ABLIM1: variants seen among roughly 807,000 people sequenced by gnomAD.
The protein encoded by ABLIM1 is actin binding LIM protein 1, also known as actin-binding LIM protein 1.
In ABLIM1, 40 loss-of-function variants were observed where a neutral mutation model predicts 107.0. That is an observed-to-expected ratio of 0.37 (90% CI 0.29 to 0.49). ABLIM1 has a LOEUF of 0.49. Ranked by LOEUF, ABLIM1 falls within the 20% of genes least tolerant of loss-of-function variation. The probability of loss-of-function intolerance (pLI) is 0.97; values close to 1 mark genes in which losing one functional copy is unlikely to be tolerated. For missense variants in ABLIM1, 857 were observed against 1,008.5 expected, an observed-to-expected ratio of 0.85 and a Z score of 2.04; for synonymous variants, 357 against 357.3, an observed-to-expected ratio of 1.00 and a Z score of 0.01.
intron 2 of ABLIM1, among the ~76,000 whole-genome samples, chr10:114,583,468 C>CACACATATATATATAT (rs1342722676): frequency 6.6e-5 from 1 of 15,112 alleles, no homozygotes; most frequent in Non-Finnish European, 1.2e-4. Flanking sequence ...CACACACACA[C>CACACATATATATATAT]ATATATATAT....
chr10:114,601,915 A>G lies in ABLIM1; in HGVS notation c.291T>C (p.Ile97=). Residue 97 remains isoleucine, a synonymous_variant, in exon 2 of 23, where the codon ATT becomes ATC. Transcript: ENST00000533213. ...AAGGCTCCCCACATTTATGGCAGTGAATGACAGGCTTCTCTGATGGGTGGT... is the reference window on the plus strand; with the variant it reads ...AAGGCTCCCCACATTTATGGCAGTGGATGACAGGCTTCTCTGATGGGTGGT... ...DPHHPSEKPV[I]HCHKCGEPCK... 1 of 1,614,170 alleles carries G rather than the reference A, an allele frequency of 6.2e-7. No individual in the cohort carries two copies. Among genetic ancestry groups the G allele is most frequent in the Non-Finnish European group, 8.5e-7 (1 of 1,180,028 alleles).
intron 6 of ABLIM1, among the ~76,000 whole-genome samples, chr10:114,525,501 G>A (rs2064551957): frequency 6.6e-6 from 1 of 152,186 alleles, no homozygotes; most frequent in Non-Finnish European, 1.5e-5. Flanking sequence ...GCTTGGCAAG[G>A]CCTCACGCTT....
chr10:114,479,730 C>T (rs1272825227), intron 8 of ABLIM1, among the ~76,000 whole-genome samples: 1 of 152,110 alleles, frequency 6.6e-6, no homozygotes, highest in Non-Finnish European at 1.5e-5. Flanking sequence ...AGAGGTCTCT[C>T]CCTTATGAAG....
At chr10:114,607,892 A>C (rs948082058) in intron 1 of ABLIM1, among the ~76,000 whole-genome samples, 3 of 152,226 alleles carry the variant, frequency 2.0e-5, no homozygotes, top group African/African-American at 7.2e-5. Context: ...AAAACTACGG[A>C]AATCTGAATA....
At chr10:114,750,965 A>G (rs981205343) in intron 1 of ABLIM1, among the ~76,000 whole-genome samples, 1 of 152,230 alleles carries the variant, frequency 6.6e-6, no homozygotes, top group Non-Finnish European at 1.5e-5. Context: ...TGAAGACTGA[A>G]GTGCTTAATG....
intron 7 of ABLIM1, among the ~76,000 whole-genome samples, chr10:114,491,012 G>GTGTGTGTGTGTGTGTATATATATATA: frequency 9.4e-4 from 87 of 92,366 alleles, no homozygotes; most frequent in African/African-American, 3.7e-3. Context: ...GTGTGTGTGT[G>GTGTGTGTGTGTGTGTATATATATATA]TATATATATA....
At chr10:114,547,515 C>G in intron 5 of ABLIM1, 135 bp downstream of exon 5, 1 of 1,202,076 alleles carries the variant, frequency 8.3e-7, no homozygotes, top group South Asian at 1.6e-5. Flanking sequence ...TTTATAGCAA[C>G]AAGTTCATTA....
upstream of ABLIM1, among the ~76,000 whole-genome samples, chr10:114,660,050 C>A (rs113869353): frequency 6.6e-6 from 1 of 152,164 alleles, no homozygotes. Context: ...AAGAAACAGA[C>A]GCTGTCTAGA....
intron 6 of ABLIM1, among the ~76,000 whole-genome samples, chr10:114,522,312 C>T (rs192095165): frequency 1.1e-3 from 171 of 152,312 alleles, no homozygotes; most frequent in Middle Eastern, 3.4e-3. Context: ...CACCCCACCC[C>T]CCACTTATTC....
At chr10:114,458,484 C>T (rs1174340256) in intron 12 of ABLIM1, among the ~76,000 whole-genome samples, 1 of 152,094 alleles carries the variant, frequency 6.6e-6, no homozygotes, top group Non-Finnish European at 1.5e-5. Flanking sequence ...CTGTGGGGAC[C>T]TGTTGGAGCA....
intron 2 of ABLIM1, among the ~76,000 whole-genome samples, chr10:114,590,044 G>A (rs1197508004): frequency 6.6e-6 from 1 of 152,066 alleles, no homozygotes; most frequent in African/African-American, 2.4e-5. Flanking sequence ...TACTATACCT[G>A]ATCTATATTT....
At chr10:114,439,509 A>G in intron 20 of ABLIM1, 4 of 570,178 alleles carry the variant, frequency 7.0e-6, no homozygotes, top group Non-Finnish European at 3.1e-6. Flanking sequence ...CATGAATGAA[A>G]GCATATAGTA....
chr10:114,582,073 A>T (rs935970523), intron 2 of ABLIM1, among the ~76,000 whole-genome samples: 22 of 152,176 alleles, frequency 1.4e-4, no homozygotes, highest in African/African-American at 5.3e-4. Context: ...AAGTCGTCAA[A>T]CGGTCTCTCT....
intron 6 of ABLIM1, among the ~76,000 whole-genome samples, chr10:114,543,060 C>T (rs2066895695): frequency 6.6e-6 from 1 of 152,170 alleles, no homozygotes; most frequent in East Asian, 1.9e-4. Flanking sequence ...TCCACTCCAG[C>T]TAGCACCACC....
upstream of ABLIM1, chr10:114,658,348 A>G (rs2079627253): frequency 1.4e-6 from 2 of 1,423,458 alleles, no homozygotes; most frequent in East Asian, 2.4e-5. Context: ...TATTTAAGTG[A>G]TTACCCTCAA....
chr10:114,682,439 AG>A (rs2080786637), intron 1 of ABLIM1, among the ~76,000 whole-genome samples: 1 of 152,236 alleles, frequency 6.6e-6, no homozygotes, highest in Non-Finnish European at 1.5e-5. Flanking sequence ...AAATGTAAGC[AG>A]GGTCAGACTT....
intron 2 of ABLIM1, among the ~76,000 whole-genome samples, chr10:114,592,138 T>C (rs1320963657): frequency 6.6e-6 from 1 of 152,170 alleles, no homozygotes; most frequent in Admixed American, 6.6e-5. Flanking sequence ...ACATAACTTA[T>C]ATAATATATA....
chr10:114,498,210 G>A (rs964971190), intron 6 of ABLIM1, among the ~76,000 whole-genome samples: 8 of 152,066 alleles, frequency 5.3e-5, no homozygotes, highest in Non-Finnish European at 8.8e-5. Flanking sequence ...AAATGCAAAG[G>A]GCCGGGCTAG....
chr10:114,529,717 A>T (rs935177790), intron 6 of ABLIM1, among the ~76,000 whole-genome samples: 3 of 152,136 alleles, frequency 2.0e-5, no homozygotes, highest in Non-Finnish European at 4.4e-5. Flanking sequence ...TTGGGGAAAG[A>T]ACGTGAAGAG....
Sources: allele counts gnomAD v4.1 joint callset (sites outside exome capture counted in the v4.1 genomes callset), GRCh38; gene constraint gnomAD v4.1.1; transcripts MANE v1.5; gene names NCBI Gene and HGNC (gene_info 2026-07-23, HGNC 2026-07-21).